SMIM41: variants seen among roughly 807,000 people sequenced by gnomAD.
The protein encoded by SMIM41 is small integral membrane protein 41.
intron 2 of SMIM41, among the ~76,000 whole-genome samples, chr12:52,096,121 G>A (rs906799561): frequency 5.9e-5 from 9 of 151,536 alleles, no homozygotes; most frequent in African/African-American, 2.2e-4. Flanking sequence ...TGGCTATTAG[G>A]AATAATATCA....
chr12:52,095,365 C>G (rs1261598986), intron 2 of SMIM41, among the ~76,000 whole-genome samples: 5 of 151,918 alleles, frequency 3.3e-5, no homozygotes, highest in Admixed American at 3.3e-4. Context: ...CCCCCTCTCC[C>G]CCGCTGGATA....
chr12:52,098,331 C>T (rs1443279518), intron 2 of SMIM41, among the ~76,000 whole-genome samples: 1 of 152,046 alleles, frequency 6.6e-6, no homozygotes, highest in Non-Finnish European at 1.5e-5. Context: ...ACCATCCTCT[C>T]CCTCTTTGGA....
At chr12:52,083,059 G>T (rs1208572624) in intron 1 of SMIM41, among the ~76,000 whole-genome samples, 1 of 152,176 alleles carries the variant, frequency 6.6e-6, no homozygotes, top group African/African-American at 2.4e-5. Context: ...AGTGCTCGGT[G>T]TGGGCCTGGA....
intron 2 of SMIM41, among the ~76,000 whole-genome samples, chr12:52,089,865 A>G (rs1939967710): frequency 6.6e-6 from 1 of 152,236 alleles, no homozygotes; most frequent in Non-Finnish European, 1.5e-5. Flanking sequence ...TTAACTAATT[A>G]CATCTGCAAT....
intron 2 of SMIM41, among the ~76,000 whole-genome samples, chr12:52,091,390 A>T (rs1206507136): frequency 2.6e-5 from 4 of 152,212 alleles, no homozygotes; most frequent in Non-Finnish European, 5.9e-5. Context: ...ATTCACCCCT[A>T]TGAGAGCTAC....
intron 2 of SMIM41, among the ~76,000 whole-genome samples, chr12:52,106,967 C>A (rs762778781): frequency 6.6e-6 from 1 of 152,162 alleles, no homozygotes; most frequent in Non-Finnish European, 1.5e-5. Flanking sequence ...GTTAGGATAA[C>A]CTTTTTCTTA....
intron 2 of SMIM41, among the ~76,000 whole-genome samples, chr12:52,088,383 C>T (rs997191585): frequency 9.2e-5 from 14 of 152,144 alleles, no homozygotes; most frequent in African/African-American, 3.4e-4. Flanking sequence ...GCCAGAGGGG[C>T]GGGAAGCTCC....
At chr12:52,084,513 A>G (rs11169995) in intron 2 of SMIM41, among the ~76,000 whole-genome samples, 94,080 of 152,048 alleles carry the variant, frequency 0.62, 30,627 homozygotes, top group Non-Finnish European at 0.73. Context: ...AAGAGCCCAG[A>G]GTGAAAGAGC....
At chr12:52,099,278 G>A (rs1039514749) in intron 2 of SMIM41, among the ~76,000 whole-genome samples, 4 of 151,594 alleles carry the variant, frequency 2.6e-5, no homozygotes, top group East Asian at 3.9e-4. Flanking sequence ...TTGTACACCT[G>A]CTGCGATATT....
At chr12:52,083,540 T>G (rs918789816) in intron 1 of SMIM41, among the ~76,000 whole-genome samples, 14 of 152,250 alleles carry the variant, frequency 9.2e-5, no homozygotes, top group African/African-American at 3.4e-4. Context: ...CTTCCGAGGG[T>G]GGGTGTGAAG....
intron 1 of SMIM41, among the ~76,000 whole-genome samples, chr12:52,083,366 T>C (rs1442337458): frequency 2.6e-5 from 4 of 152,194 alleles, no homozygotes; most frequent in Non-Finnish European, 5.9e-5. Flanking sequence ...TGATGCAAGC[T>C]TCAGGTCTAT....
intron 2 of SMIM41, among the ~76,000 whole-genome samples, chr12:52,101,552 T>C (rs1940217109): frequency 6.6e-6 from 1 of 152,284 alleles, no homozygotes; most frequent in Non-Finnish European, 1.5e-5. Flanking sequence ...TACAGAAAGA[T>C]GGAATAAGTG....
In SMIM41 at chr12:52,084,514, G is replaced by T. The variant is rs115756375; in HGVS notation, c.*195+546G>T. ...AAGTAGACAATGAAAAGAGCCCAGA[G>T]TGAAAGAGCCGAGAGCAGAGAATGA... is the stretch of plus-strand genomic sequence containing the variant. On this transcript the variant is annotated intron_variant, in intron 2 of 2. Coordinates refer to ENST00000546390, the MANE Select transcript of SMIM41 (RefSeq NM_001369216.1). 8.7e-3 allele frequency among the ~76,000 whole-genome samples: 1,322 copies of T among 152,306 alleles called. 17 individuals carry two copies. The highest frequency in any genetic ancestry group is 0.031 in the African/African-American group (1,279 of 41,560).
In SMIM41 at chr12:52,107,561, G is replaced by A. The variant is rs139817364; in HGVS notation, c.*378G>A. 5.5e-4 allele frequency: 477 copies of A among 870,168 alleles called. No homozygotes were observed. In the African/African-American group the frequency reaches 7.0e-3, roughly 13 times the overall value. 53.9% of individuals were successfully genotyped at this position (870,168 alleles called of 1,614,324 possible). A position where few individuals can be genotyped will look rare whatever the true frequency, so the allele number is the denominator to read the frequency against. ...CTGACATCGGTTTCACCTCCACCAC[G>A]GTCCCCCAGATGACTGTGGACATCC... On this transcript the variant is annotated 3_prime_UTR_variant, in exon 3 of 3. Transcript: ENST00000546390.
intron 2 of SMIM41, among the ~76,000 whole-genome samples, chr12:52,094,197 A>ATTT (rs562390454): frequency 1.5e-5 from 2 of 131,682 alleles, no homozygotes; most frequent in African/African-American, 2.9e-5. Context: ...GAAGTTTTTG[A>ATTT]TTTTTTTTTT....
chr12:52,080,001 C>A lies in SMIM41; in HGVS notation c.222C>A (p.Arg74=), dbSNP rs1037128398. The A allele has an allele frequency of 2.4e-5, 9 of 376,002 alleles. No individual in the cohort carries two copies. Among genetic ancestry groups the A allele is most frequent in the African/African-American group, 1.7e-4 (8 of 47,688 alleles). The allele number at this position is 376,002 out of a possible 1,614,324, so 23.3% of individuals were successfully genotyped here. Residue 74 remains arginine (R), a synonymous_variant, in exon 1 of 3, where the codon CGC becomes CGA. Coordinates refer to ENST00000546390, the MANE Select transcript of SMIM41 (RefSeq NM_001369216.1). ...CAGCGCTGCTGACCCGCGAGCAGCGCGCGTCCCGCGAGCCCGAGCCGGGCA... is the reference window on the plus strand; with the variant it reads ...CAGCGCTGCTGACCCGCGAGCAGCGAGCGTCCCGCGAGCCCGAGCCGGGCA... The part of the protein sequence containing the change: ...GLTALLTREQ[R]ASREPEPGSA...
chr12:52,095,805 C>T (rs1012458333), intron 2 of SMIM41, among the ~76,000 whole-genome samples: 1 of 152,098 alleles, frequency 6.6e-6, no homozygotes, highest in African/African-American at 2.4e-5. Flanking sequence ...ATATTATCCT[C>T]TCCCGTCCTG....
intron 2 of SMIM41, chr12:52,104,443 T>C (rs1231067710): frequency 0.03 from 4,954 of 163,562 alleles, no homozygotes; most frequent in African/African-American, 0.1. Context: ...GAGGATGGAG[T>C]CTGAGCCTCC....
At chr12:52,095,225 A>G (rs1398199708) in intron 2 of SMIM41, among the ~76,000 whole-genome samples, 1 of 151,708 alleles carries the variant, frequency 6.6e-6, no homozygotes, top group African/African-American at 2.4e-5. Flanking sequence ...GGATATTACA[A>G]TCCACATCGC....
Sources: gnomAD v4.1 joint callset for allele counts (sites outside exome capture counted in the v4.1 genomes callset) on GRCh38, gnomAD v4.1.1 for gene constraint, MANE v1.5 for transcripts, NCBI Gene and HGNC (gene_info 2026-07-23, HGNC 2026-07-21) for gene names.